Variants in ASTN2 observed in about 807,000 individuals in gnomAD.
ASTN2 encodes astrotactin 2.
A neutral mutation model predicts 139.8 loss-of-function variants in ASTN2; 54 were observed. The ratio of observed to expected loss-of-function variants is 0.39; its 90% CI spans 0.31 to 0.48. The LOEUF (loss-of-function observed/expected upper bound fraction) is 0.48, where lower values mean the gene tolerates loss of function less well. ASTN2 is among the 20% of genes least tolerant of loss of function. ASTN2 has a pLI of 0.95. For missense variants in ASTN2, 1,565 were observed against 1,725.1 expected (o/e 0.91, Z 1.64); for synonymous variants, 756 against 719.5 (o/e 1.05, Z -0.81).
intron 10 of ASTN2, among the ~76,000 whole-genome samples, chr9:116,974,961 G>T (rs1349984990): frequency 1.3e-5 from 2 of 152,166 alleles, no homozygotes; most frequent in Non-Finnish European, 2.9e-5. Flanking sequence ...TGATGAGCTA[G>T]ATAATGCATC....
rs185774404 is a variant in ASTN2, at chr9:116,531,635, G to A, written c.3356-44135C>T. Reference sequence around the variant, plus strand: ...GTGGTGGTTGGTTTTTTGTCCTTGTGATAGTTTGCTGAGAATGATGGTTTC... The same window carrying A: ...GTGGTGGTTGGTTTTTTGTCCTTGTAATAGTTTGCTGAGAATGATGGTTTC... On this transcript the variant is annotated intron_variant, in intron 19 of 22. Coordinates refer to ENST00000313400, the MANE Select transcript of ASTN2 (RefSeq NM_001365068.1). Among the ~76,000 whole-genome samples the A allele has an allele frequency of 3.2e-3, 483 of 151,042 alleles. 2 individuals carry two copies. Among genetic ancestry groups the A allele is most frequent in the African/African-American group, 0.01 (431 of 41,134 alleles).
intron 11 of ASTN2, among the ~76,000 whole-genome samples, chr9:116,825,962 C>T (rs1184517351): frequency 6.6e-6 from 1 of 152,216 alleles, no homozygotes; most frequent in East Asian, 1.9e-4. Flanking sequence ...TGCTCCCACA[C>T]ATCCCCAGGA....
intron 3 of ASTN2, among the ~76,000 whole-genome samples, chr9:117,201,092 T>C (rs561521007): frequency 6.7e-6 from 1 of 149,520 alleles, no homozygotes; most frequent in East Asian, 2.0e-4. Flanking sequence ...TTCTTCCTGG[T>C]ATAGTCTTTG....
chr9:116,958,602 CA>C (rs201900550), intron 10 of ASTN2, among the ~76,000 whole-genome samples: 1 of 151,476 alleles, frequency 6.6e-6, no homozygotes, highest in Non-Finnish European at 1.5e-5. Flanking sequence ...AACAAACAAA[CA>C]AAAAAAAGAG....
Position 117,112,689 on chromosome 9 carries a change from C to T in ASTN2, c.1169-16538G>A, listed in dbSNP as rs1052978546. Among the ~76,000 whole-genome samples, 5 of 152,070 alleles carry T rather than the reference C, an allele frequency of 3.3e-5. No homozygotes were observed. The South Asian group carries it at 8.3e-4, about 25-fold the overall frequency. On this transcript the variant is annotated intron_variant, in intron 4 of 22. Coordinates refer to ENST00000313400, the MANE Select transcript of ASTN2 (RefSeq NM_001365068.1). ...GAAAACAGGAGAAACATTGTTTTGA[C>T]CTTGGGGTAGGCAAAGGTCATAGAT...
At chr9:116,737,482 T>TGTGA (rs1173237918) in intron 13 of ASTN2, among the ~76,000 whole-genome samples, 1 of 151,700 alleles carries the variant, frequency 6.6e-6, no homozygotes, top group East Asian at 1.9e-4. Flanking sequence ...TGTGTGTGTG[T>TGTGA]GTGTGTGTGT....
intron 6 of ASTN2, among the ~76,000 whole-genome samples, chr9:117,010,650 T>A (rs1211561147): frequency 6.6e-6 from 1 of 151,684 alleles, no homozygotes; most frequent in Non-Finnish European, 1.5e-5. Context: ...AATGCATTTG[T>A]CTTAGGTCAG....
chr9:117,106,405 C>T (rs1485913136), intron 4 of ASTN2, among the ~76,000 whole-genome samples: 2 of 151,876 alleles, frequency 1.3e-5, no homozygotes, highest in African/African-American at 4.8e-5. Flanking sequence ...CCGTGTTGGC[C>T]AGGGTAGTCT....
At chr9:116,737,442 T>C (rs1347254421) in intron 13 of ASTN2, among the ~76,000 whole-genome samples, 1 of 147,446 alleles carries the variant, frequency 6.8e-6, no homozygotes, top group Non-Finnish European at 1.5e-5. Context: ...ATTCAGATTC[T>C]TAGCGCTCGT....
At chr9:116,801,995 A>G (rs954594808) in intron 13 of ASTN2, among the ~76,000 whole-genome samples, 1 of 152,062 alleles carries the variant, frequency 6.6e-6, no homozygotes, top group Admixed American at 6.6e-5. Flanking sequence ...GAGGCAGAAC[A>G]ATGACTTCTA....
intron 19 of ASTN2, among the ~76,000 whole-genome samples, chr9:116,488,205 C>T (rs1220375746): frequency 6.6e-6 from 1 of 152,078 alleles, no homozygotes; most frequent in Non-Finnish European, 1.5e-5. Context: ...TAAATCTAAC[C>T]ATTGGATTTT....
chr9:117,167,938 T>A (rs973159860), intron 3 of ASTN2, among the ~76,000 whole-genome samples: 1 of 152,102 alleles, frequency 6.6e-6, no homozygotes, highest in African/African-American at 2.4e-5. Context: ...TAAGAACTGA[T>A]CTAAATTTTA....
At chr9:117,030,787 G>T (rs1238898289) in intron 6 of ASTN2, among the ~76,000 whole-genome samples, 4 of 151,944 alleles carry the variant, frequency 2.6e-5, no homozygotes, top group African/African-American at 9.7e-5. Flanking sequence ...CTACTCTAGG[G>T]GGTATCCACA....
intron 7 of ASTN2, among the ~76,000 whole-genome samples, chr9:116,998,237 A>G (rs1470584524): frequency 1.3e-5 from 2 of 152,186 alleles, no homozygotes; most frequent in Non-Finnish European, 2.9e-5. Flanking sequence ...TCTGAGGATC[A>G]GAGGGACTCG....
At chr9:117,037,355 TTCACCATTTC>T (rs1564395725) in intron 6 of ASTN2, among the ~76,000 whole-genome samples, 2 of 152,110 alleles carry the variant, frequency 1.3e-5, no homozygotes, top group African/African-American at 4.8e-5. Flanking sequence ...TTCCCAGCTG[TTCACCATTTC>T]TCAGCCACAT....
intron 3 of ASTN2, among the ~76,000 whole-genome samples, chr9:117,213,920 A>AGCT (rs1294980754): frequency 1.3e-5 from 2 of 152,210 alleles, no homozygotes; most frequent in Non-Finnish European, 2.9e-5. Context: ...ATTTCCCAAG[A>AGCT]GCTGCTGCCT....
intron 20 of ASTN2, among the ~76,000 whole-genome samples, chr9:116,446,305 A>AGAGAGAGAGAGG (rs1564282758): frequency 6.7e-6 from 1 of 148,992 alleles, no homozygotes; most frequent in African/African-American, 2.5e-5. Context: ...AGAGAGAGAG[A>AGAGAGAGAGAGG]GAGAATAATC....
At chr9:116,493,577 C>T (rs1452806141) in intron 19 of ASTN2, among the ~76,000 whole-genome samples, 2 of 152,080 alleles carry the variant, frequency 1.3e-5, no homozygotes, top group African/African-American at 4.8e-5. Context: ...ATCAATTTTT[C>T]TAGAGGCCCC....
At chr9:116,703,752 T>G (rs1316656527) in intron 16 of ASTN2, among the ~76,000 whole-genome samples, 1 of 150,310 alleles carries the variant, frequency 6.7e-6, no homozygotes, top group Non-Finnish European at 1.5e-5. Flanking sequence ...AGTGCAGTGT[T>G]ACTCTACTCT....
Sources: gnomAD v4.1 joint callset for allele counts (sites outside exome capture counted in the v4.1 genomes callset) on GRCh38, gnomAD v4.1.1 for gene constraint, MANE v1.5 for transcripts, NCBI Gene and HGNC (gene_info 2026-07-23, HGNC 2026-07-21) for gene names.